UBE2E3: variants seen among roughly 807,000 people sequenced by gnomAD.
The protein encoded by UBE2E3 is ubiquitin conjugating enzyme E2 E3, also known as ubiquitin-conjugating enzyme E2 E3.
In UBE2E3, 5 loss-of-function variants were observed where a neutral mutation model predicts 23.6. That is an observed-to-expected ratio of 0.21 (90% CI 0.11 to 0.44). UBE2E3 has a LOEUF of 0.44. Ranked by LOEUF, UBE2E3 falls within the 20% of genes least tolerant of loss-of-function variation. The pLI is 0.99. For synonymous variants in UBE2E3, 78 were observed against 87.5 expected (o/e 0.89, Z 0.60); for missense variants, 81 against 249.8 (o/e 0.32, Z 4.55).
chr2:181,039,123 C>CTTTTT (rs11289425), intron 3 of UBE2E3, among the ~76,000 whole-genome samples: 2 of 66,248 alleles, frequency 3.0e-5, no homozygotes, highest in Non-Finnish European at 5.5e-5. Flanking sequence ...AGAATGTGAC[C>CTTTTT]TTTTTTTTTT....
chr2:181,031,296 ATCT>A, intron 3 of UBE2E3, among the ~76,000 whole-genome samples: 1 of 152,156 alleles, frequency 6.6e-6, no homozygotes. Context: ...GATATTCTGT[ATCT>A]TCATTTTTTC....
chr2:180,990,868 T>C (rs1026879048), intron 3 of UBE2E3, among the ~76,000 whole-genome samples: 5 of 152,216 alleles, frequency 3.3e-5, no homozygotes, highest in African/African-American at 4.8e-5. Context: ...CACAAGTTAC[T>C]TCAATTTTTA....
chr2:181,057,581 T>A (rs1385099837), intron 3 of UBE2E3, 112 bp from the exon 4 acceptor site: 6 of 831,436 alleles, frequency 7.2e-6, no homozygotes, highest in Non-Finnish European at 1.1e-5. Flanking sequence ...ATACTTATTT[T>A]ACTTCTTATT....
chr2:181,021,338 G>C (rs1437614477), intron 3 of UBE2E3, among the ~76,000 whole-genome samples: 1 of 150,756 alleles, frequency 6.6e-6, no homozygotes, highest in Admixed American at 6.6e-5. Context: ...CACCATTACA[G>C]TGTTTCTTCT....
intron 3 of UBE2E3, among the ~76,000 whole-genome samples, chr2:180,999,015 T>C (rs1452416886): frequency 6.6e-6 from 1 of 152,192 alleles, no homozygotes; most frequent in Non-Finnish European, 1.5e-5. Context: ...TGTCTTTTAT[T>C]CTAGAGCATA....
chr2:181,061,505 AG>A (rs3215269), intron 5 of UBE2E3, among the ~76,000 whole-genome samples: 31,900 of 146,046 alleles, frequency 0.22, 3,975 homozygotes, highest in Non-Finnish European at 0.27. Context: ...GTATGCTTTT[AG>A]GCAACTACTT....
rs1262331980 is a variant in UBE2E3 at position 181,031,875 on chromosome 2, C to A, written c.246-25818C>A. 2.6e-5 allele frequency among the ~76,000 whole-genome samples: 4 copies of A among 152,126 alleles called. No homozygotes were observed. In the East Asian group the frequency reaches 7.7e-4, roughly 29 times the overall value. The stretch of plus-strand genomic sequence containing the variant: ...GAAACAGTTTAATTTTAATCAGCTC[C>A]TTTCCTGATTAAATGTTTCCAGACT... On this transcript the variant is annotated intron_variant, in intron 3 of 5. Transcript: ENST00000410062.
At chr2:181,054,425 C>A (rs1686930519) in intron 3 of UBE2E3, among the ~76,000 whole-genome samples, 1 of 151,700 alleles carries the variant, frequency 6.6e-6, no homozygotes, top group Non-Finnish European at 1.5e-5. Flanking sequence ...TGGATTTGGG[C>A]CATTCTAATA....
chr2:180,982,364 T>A, intron 2 of UBE2E3, 128 bp downstream of exon 2: 1 of 831,926 alleles, frequency 1.2e-6, no homozygotes, highest in Non-Finnish European at 1.9e-6. Flanking sequence ...TTAATTGTAC[T>A]TGAATGAGTT....
At chr2:180,990,105 T>G (rs1309068080) in intron 3 of UBE2E3, 21 of 997,842 alleles carry the variant, frequency 2.1e-5, no homozygotes, top group Non-Finnish European at 5.6e-6. Context: ...ATCTTCAAAC[T>G]TTTAACCTTT....
At chr2:181,060,010 C>T (rs1284801242) in intron 4 of UBE2E3, among the ~76,000 whole-genome samples, 1 of 151,628 alleles carries the variant, frequency 6.6e-6, no homozygotes, top group African/African-American at 2.4e-5. Flanking sequence ...CTTCTTTTCT[C>T]ACACATTTCA....
At chr2:181,040,383 A>G (rs1686450059) in intron 3 of UBE2E3, among the ~76,000 whole-genome samples, 1 of 152,184 alleles carries the variant, frequency 6.6e-6, no homozygotes, top group South Asian at 2.1e-4. Context: ...TATCCCTACT[A>G]CAGTGCCTGG....
chr2:181,052,642 C>T (rs990675778), intron 3 of UBE2E3, among the ~76,000 whole-genome samples: 1 of 151,822 alleles, frequency 6.6e-6, no homozygotes, highest in African/African-American at 2.4e-5. Flanking sequence ...ACACCACTAA[C>T]ATTGGCTAGT....
chr2:181,036,676 C>T (rs1480800798), intron 3 of UBE2E3, among the ~76,000 whole-genome samples: 1 of 152,246 alleles, frequency 6.6e-6, no homozygotes, highest in East Asian at 1.9e-4. Flanking sequence ...GCTGCTGGAA[C>T]TCTTCAGCCA....
chr2:180,981,966 T>G lies in UBE2E3; in HGVS notation c.-25-52T>G, dbSNP rs142169410. 97 of 1,343,304 alleles carry G rather than the reference T, an allele frequency of 7.2e-5. No homozygotes were observed. The East Asian group carries it at 2.1e-3, about 29-fold the overall frequency. 83.2% of individuals were successfully genotyped at this position (1,343,304 alleles called of 1,614,324 possible). On this transcript the variant is annotated intron_variant, in intron 1 of 5. Transcript: ENST00000410062. ...TGACTAGAAGAAAATGCTGTTGGTT[T>G]ATTTCCTAGATTTAACATTTTCTCC...
intron 3 of UBE2E3, among the ~76,000 whole-genome samples, chr2:181,009,897 A>G (rs1460233820): frequency 1.3e-5 from 2 of 152,032 alleles, no homozygotes; most frequent in African/African-American, 2.4e-5. Flanking sequence ...TGTATAGCCT[A>G]TTTTTCTTGA....
rs531227235 is a variant in UBE2E3, at chr2:181,003,329, A to T, written c.245+19236A>T. Among the ~76,000 whole-genome samples, 140 of 152,232 alleles carry T rather than the reference A, an allele frequency of 9.2e-4. 1 individual carries two copies. The highest frequency in any genetic ancestry group is 1.8e-3 in the Non-Finnish European group (123 of 68,038). Reference sequence around the variant, plus strand: ...TAACTGCTTTATCACATTATAGACAATCTTGCCATTAGCAGTACTCATGTT... The same window carrying T: ...TAACTGCTTTATCACATTATAGACATTCTTGCCATTAGCAGTACTCATGTT... On this transcript the variant is annotated intron_variant, in intron 3 of 5. Transcript: ENST00000410062.
intron 3 of UBE2E3, among the ~76,000 whole-genome samples, chr2:180,985,373 A>G (rs1393250329): frequency 6.6e-6 from 1 of 152,140 alleles, no homozygotes; most frequent in Non-Finnish European, 1.5e-5. Flanking sequence ...ATTTATACAC[A>G]TTGGATTTTA....
intron 3 of UBE2E3, among the ~76,000 whole-genome samples, chr2:181,037,006 A>G (rs1174356974): frequency 3.9e-5 from 6 of 152,326 alleles, no homozygotes; most frequent in African/African-American, 1.4e-4. Context: ...CACATCATCC[A>G]TAGTTATGCA....
Sources: gnomAD v4.1 joint callset for allele counts (sites outside exome capture counted in the v4.1 genomes callset) on GRCh38, gnomAD v4.1.1 for gene constraint, MANE v1.5 for transcripts, NCBI Gene and HGNC (gene_info 2026-07-23, HGNC 2026-07-21) for gene names.